The following CNTNAP2 variants were observed in gnomAD, a reference collection of about 807,000 sequenced individuals.
The protein encoded by CNTNAP2 is contactin associated protein 2, also known as contactin-associated protein-like 2.
A neutral mutation model predicts 155.2 loss-of-function variants in CNTNAP2; 98 were observed. The ratio of observed to expected loss-of-function variants is 0.63; its 90% CI spans 0.54 to 0.75. CNTNAP2 has a LOEUF of 0.75. CNTNAP2 is among the 30% of genes least tolerant of loss of function. The pLI, the probability that CNTNAP2 is intolerant of heterozygous loss-of-function variation, is 0.00. For synonymous variants in CNTNAP2, 651 were observed against 631.2 expected, an observed-to-expected ratio of 1.03 and a Z score of -0.47; for missense variants, 1,727 against 1,688.1, an observed-to-expected ratio of 1.02 and a Z score of -0.40.
intron 8 of CNTNAP2, among the ~76,000 whole-genome samples, chr7:147,215,943 T>C (rs1803258702): frequency 6.6e-6 from 1 of 152,198 alleles, no homozygotes; most frequent in East Asian, 1.9e-4. Context: ...TGACATATGA[T>C]GTAGAACATC....
rs1218120985 is a variant in CNTNAP2 at position 147,017,235 on chromosome 7, T to C, written c.403-26672T>C. The stretch of plus-strand genomic sequence containing the variant: ...GTTGTCTTCCTTCCCAACATCGCCA[T>C]TTATTTCATATTATATTCTTCAGCA... On this transcript the variant is annotated intron_variant, in intron 3 of 23. Transcript: ENST00000361727. Among the ~76,000 whole-genome samples the C allele has an allele frequency of 2.0e-5, 3 of 152,184 alleles. No homozygotes were observed. The East Asian group carries it at 5.8e-4, about 29-fold the overall frequency.
chr7:148,045,409 A>G (rs1171798263), intron 15 of CNTNAP2, among the ~76,000 whole-genome samples: 1 of 152,126 alleles, frequency 6.6e-6, no homozygotes. Flanking sequence ...TGGCATCTCC[A>G]TGCAGTCCAT....
chr7:146,645,045 G>C (rs7802412), intron 1 of CNTNAP2, among the ~76,000 whole-genome samples: 107,648 of 152,014 alleles, frequency 0.71, 38,659 homozygotes, highest in South Asian at 0.84. Context: ...GAATTTTAGA[G>C]CAGAAATTTT....
intron 15 of CNTNAP2, among the ~76,000 whole-genome samples, chr7:147,992,163 C>T (rs1051521664): frequency 2.4e-5 from 3 of 126,772 alleles, no homozygotes; most frequent in African/African-American, 3.1e-5. Context: ...GGCGTGATCT[C>T]GGCTCACTGC....
intron 4 of CNTNAP2, among the ~76,000 whole-genome samples, chr7:147,073,745 A>C (rs1799942791): frequency 6.6e-6 from 1 of 152,276 alleles, no homozygotes; most frequent in African/African-American, 2.4e-5. Context: ...AGCACTGCTA[A>C]GAGATCATGC....
At chr7:147,426,515 C>T (rs909401594) in intron 10 of CNTNAP2, among the ~76,000 whole-genome samples, 3 of 152,094 alleles carry the variant, frequency 2.0e-5, no homozygotes, top group Admixed American at 6.6e-5. Flanking sequence ...AGATTTCTTT[C>T]AATTTCTATT....
chr7:148,214,765 T>G (rs1009063511), intron 18 of CNTNAP2, among the ~76,000 whole-genome samples: 4 of 152,090 alleles, frequency 2.6e-5, no homozygotes, highest in African/African-American at 7.2e-5. Flanking sequence ...GAGACGGGGT[T>G]TCACCGTGTT....
At chr7:147,636,879 A>C (rs1243275273) in intron 12 of CNTNAP2, among the ~76,000 whole-genome samples, 1 of 152,196 alleles carries the variant, frequency 6.6e-6, no homozygotes. Flanking sequence ...GGCAGAGAGC[A>C]GCTGTAGAAT....
intron 1 of CNTNAP2, among the ~76,000 whole-genome samples, chr7:146,634,010 A>G (rs948196694): frequency 1.9e-4 from 29 of 151,890 alleles, no homozygotes; most frequent in African/African-American, 5.1e-4. Flanking sequence ...CTATGGGCCA[A>G]TCTATGAGCC....
intron 14 of CNTNAP2, among the ~76,000 whole-genome samples, chr7:147,952,256 AAC>A (rs1413891809): frequency 2.4e-5 from 1 of 42,524 alleles, no homozygotes; most frequent in Non-Finnish European, 7.6e-5. Flanking sequence ...CAGCCTGAAC[AAC>A]ACGGAGAAAC....
rs895072490 is a variant in CNTNAP2 at position 146,309,415 on chromosome 7, C to T, written c.97+192442C>T. Among the ~76,000 whole-genome samples, 14 of 152,210 alleles carry T rather than the reference C, an allele frequency of 9.2e-5. No homozygotes were observed. The South Asian group carries it at 1.5e-3, about 16-fold the overall frequency. ...TCTCATCTGCAGTAAGGCATCTTAG[C>T]GGCCAGTGGTCCTGACAGCAGCAAG... On this transcript the variant is annotated intron_variant, in intron 1 of 23. Coordinates refer to ENST00000361727, the MANE Select transcript of CNTNAP2 (RefSeq NM_014141.6).
chr7:147,173,850 G>A (rs2116482527), intron 8 of CNTNAP2, among the ~76,000 whole-genome samples: 1 of 152,258 alleles, frequency 6.6e-6, no homozygotes, highest in South Asian at 2.1e-4. Context: ...CGGCACCTGA[G>A]GTGGTTCTGA....
rs139369115 is a variant in CNTNAP2, at chr7:146,723,669, T to C, written c.98-50602T>C. Reference sequence around the variant, plus strand: ...TTTATATTTAGAGAAATTAGCTAAATGGTCAATGCAGTTCAATCAGTAGTT... The same window carrying C: ...TTTATATTTAGAGAAATTAGCTAAACGGTCAATGCAGTTCAATCAGTAGTT... On this transcript the variant is annotated intron_variant, in intron 1 of 23. Transcript: ENST00000361727. Among the ~76,000 whole-genome samples, 590 of 152,324 alleles carry C rather than the reference T, an allele frequency of 3.9e-3. 7 individuals are homozygous for C. Among genetic ancestry groups the C allele is most frequent in the African/African-American group, 0.013 (559 of 41,574 alleles).
intron 12 of CNTNAP2, among the ~76,000 whole-genome samples, chr7:147,573,798 C>T (rs930498468): frequency 1.4e-4 from 21 of 152,188 alleles, no homozygotes; most frequent in African/African-American, 4.6e-4. Context: ...TGTCTTCATC[C>T]CCCCTATATT....
chr7:148,394,454 CTGAGTTTTTTTT>C (rs949236947), intron 22 of CNTNAP2, among the ~76,000 whole-genome samples: 3 of 151,958 alleles, frequency 2.0e-5, no homozygotes, highest in Non-Finnish European at 4.4e-5. Context: ...CCCTTTTTTT[CTGAGTTTTTTTT>C]CCCAGAATTT....
intron 13 of CNTNAP2, among the ~76,000 whole-genome samples, chr7:147,766,541 G>A (rs1371871822): frequency 6.6e-6 from 1 of 151,960 alleles, no homozygotes; most frequent in African/African-American, 2.4e-5. Flanking sequence ...GAGAGAAGGG[G>A]GTAGATATTG....
At position 148,415,489 on chromosome 7, in the gene CNTNAP2, A is replaced by G; in HGVS notation, c.3869A>G (p.Lys1290Arg). 1 of 1,614,224 alleles carries G rather than the reference A, an allele frequency of 6.2e-7. No homozygotes were observed. Among genetic ancestry groups the G allele is most frequent in the Non-Finnish European group, 8.5e-7 (1 of 1,180,044 alleles). ...VFLIRYMFRH[K>R]GTYHTNEAKG... ...CTGATCCGGTACATGTTCCGCCACA[A>G]GGGCACCTACCATACCAACGAAGCA... The change falls in exon 24 of 24, where the codon AAG becomes AGG. Residue 1290 changes from lysine to arginine, a missense_variant. Lys to Arg is a conservative substitution (Grantham distance 26, BLOSUM62 2). Transcript: ENST00000361727.
intron 15 of CNTNAP2, among the ~76,000 whole-genome samples, chr7:148,031,782 T>C (rs1018641610): frequency 6.6e-6 from 1 of 152,176 alleles, no homozygotes; most frequent in South Asian, 2.1e-4. Context: ...TTTTCCTGGC[T>C]GCACTCGGTC....
At chr7:148,043,537 T>C (rs1174464980) in intron 15 of CNTNAP2, among the ~76,000 whole-genome samples, 1 of 152,214 alleles carries the variant, frequency 6.6e-6, no homozygotes, top group Non-Finnish European at 1.5e-5. Context: ...ATAAAGAATA[T>C]CTTACAAAGG....
Sources: gnomAD v4.1 joint callset for allele counts (sites outside exome capture counted in the v4.1 genomes callset) on GRCh38, gnomAD v4.1.1 for gene constraint, MANE v1.5 for transcripts, NCBI Gene and HGNC (gene_info 2026-07-23, HGNC 2026-07-21) for gene names.